Variants in NFIC observed in about 807,000 individuals in gnomAD.
NFIC encodes the protein nuclear factor I C.
NFIC carries 12 observed loss-of-function variants against 54.4 expected under a neutral mutation model. That is an observed-to-expected ratio of 0.22 (90% confidence interval 0.14 to 0.36). NFIC has a LOEUF of 0.36. Among genes scored for constraint, NFIC ranks in the 10% least tolerant of loss-of-function variants. The probability of loss-of-function intolerance (pLI) is 1.00; values close to 1 mark genes in which losing one functional copy is unlikely to be tolerated. For synonymous variants in NFIC, 322 were observed against 319.2 expected (o/e 1.01, Z -0.09); for missense variants, 575 against 718.2 (o/e 0.80, Z 2.28).
chr19:3,379,206 T>C (rs2081157091), intron 1 of NFIC, among the ~76,000 whole-genome samples: 2 of 151,904 alleles, frequency 1.3e-5, no homozygotes, highest in South Asian at 2.1e-4. Context: ...ATTACAGTCA[T>C]GCGCCACCAC....
chr19:3,461,759 A>T (rs1021978570), intron 10 of NFIC, among the ~76,000 whole-genome samples: 1 of 151,756 alleles, frequency 6.6e-6, no homozygotes, highest in East Asian at 1.9e-4. Context: ...AATAATTTTT[A>T]AAATATAAAA....
At chr19:3,383,547 C>T (rs1031734216) in intron 2 of NFIC, among the ~76,000 whole-genome samples, 1 of 152,194 alleles carries the variant, frequency 6.6e-6, no homozygotes, top group Non-Finnish European at 1.5e-5. Context: ...CAGTCTGTAG[C>T]TGGATGGGGC....
chr19:3,446,995 T>C (rs1178394450), intron 6 of NFIC, among the ~76,000 whole-genome samples: 1 of 152,046 alleles, frequency 6.6e-6, no homozygotes, highest in Non-Finnish European at 1.5e-5. Context: ...CTCTGCACTC[T>C]AGCCTGGGTG....
rs374469121 is a variant in NFIC at position 3,467,212 on chromosome 19, G to GCCCCCCCCCCCCCCCCC, written c.*4454_*4455insCCCCCCCCCCCCCCCCC. On this transcript the variant is annotated 3_prime_UTR_variant, in exon 11 of 11. Transcript: ENST00000443272. ...GCTATGGACACCACACCTATGCCAG[G>GCCCCCCCCCCCCCCCCC]CCCCCCCCCCCACCCCAGTCTCATT... The GCCCCCCCCCCCCCCCCC allele has an allele frequency of 1.1e-5, 1 of 88,222 alleles. No homozygotes were observed. Among genetic ancestry groups the GCCCCCCCCCCCCCCCCC allele is most frequent in the Admixed American group, 1.3e-4 (1 of 7,576 alleles). The allele number at this position is 88,222 out of a possible 1,614,324, so 5.5% of individuals were successfully genotyped here. A position where few individuals can be genotyped will look rare whatever the true frequency, so the allele number is the denominator to read the frequency against.
At chr19:3,412,865 G>A (rs754190165) in intron 2 of NFIC, among the ~76,000 whole-genome samples, 3 of 152,198 alleles carry the variant, frequency 2.0e-5, no homozygotes, top group Non-Finnish European at 4.4e-5. Flanking sequence ...CTGGCTGAGC[G>A]GGAGGGGCCG....
rs920581052 is a variant in NFIC, at chr19:3,453,014, T to C, written c.1269+348T>C. Among the ~76,000 whole-genome samples the C allele has an allele frequency of 1.3e-5, 2 of 152,034 alleles. No individual in the cohort carries two copies. The highest frequency in any genetic ancestry group is 2.4e-5 in the African/African-American group (1 of 41,402). ...GCTTTCGGAGGCCAAGGCGGGAGGA[T>C]TGCATAAGCCCAGAGTTCAAGACCA... is the stretch of plus-strand genomic sequence containing the variant. On this transcript the variant is annotated intron_variant, in intron 8 of 10. Coordinates refer to ENST00000443272, the MANE Select transcript of NFIC (RefSeq NM_001245002.2). This position sits in a 1 kb window ranked among gnomAD's most constrained non-coding sequence, Gnocchi z 6.7.
upstream of NFIC, among the ~76,000 whole-genome samples, chr19:3,363,236 T>TGTGTGTGCGCGC (rs1314178191): frequency 1.6e-5 from 1 of 63,852 alleles, no homozygotes; most frequent in African/African-American, 8.6e-5. Context: ...TATGTGTATG[T>TGTGTGTGCGCGC]GTGTGTATAT....
intron 2 of NFIC, among the ~76,000 whole-genome samples, chr19:3,409,696 T>C (rs1256400584): frequency 6.6e-6 from 1 of 152,190 alleles, no homozygotes; most frequent in Non-Finnish European, 1.5e-5. Context: ...GCCTTTGTCA[T>C]GAGCTAGGAT....
intron 5 of NFIC, 56 bp from the exon 6 acceptor site, chr19:3,435,027 G>A (rs2082177055): frequency 3.3e-5 from 49 of 1,494,886 alleles, no homozygotes; most frequent in Middle Eastern, 1.8e-4. Flanking sequence ...CCGCCGTCGC[G>A]CCCCCCGCCC....
chr19:3,394,797 T>C (rs1246075428), intron 2 of NFIC, among the ~76,000 whole-genome samples: 1 of 151,936 alleles, frequency 6.6e-6, no homozygotes, highest in Non-Finnish European at 1.5e-5. Flanking sequence ...CCTACGAGCA[T>C]GAACCCCATG....
intron 2 of NFIC, among the ~76,000 whole-genome samples, chr19:3,406,352 C>T (rs2081648411): frequency 1.6e-5 from 2 of 126,160 alleles, no homozygotes; most frequent in South Asian, 5.1e-4. Context: ...CCTTGGCCTC[C>T]CATAGTGCTG....
intron 2 of NFIC, among the ~76,000 whole-genome samples, chr19:3,405,590 A>AATTT (rs879548915): frequency 1.8e-4 from 27 of 151,316 alleles, no homozygotes; most frequent in Non-Finnish European, 2.4e-4. Flanking sequence ...TATTTAATTT[A>AATTT]ATTTATTTAT....
chr19:3,362,894 T>C (rs1463440295), upstream of NFIC, among the ~76,000 whole-genome samples: 2 of 152,194 alleles, frequency 1.3e-5, no homozygotes, highest in East Asian at 1.9e-4. Context: ...GGCTGTGGGG[T>C]TACCATGGGG....
At chr19:3,367,568 T>G (rs1568395946) in intron 1 of NFIC, among the ~76,000 whole-genome samples, 1 of 150,900 alleles carries the variant, frequency 6.6e-6, no homozygotes, top group Non-Finnish European at 1.5e-5. Context: ...GCCGAGGGGG[T>G]GTGTGGGGAG....
At chr19:3,383,550 G>A (rs796525363) in intron 2 of NFIC, among the ~76,000 whole-genome samples, 35 of 152,312 alleles carry the variant, frequency 2.3e-4, no homozygotes, top group African/African-American at 8.4e-4. Context: ...TCTGTAGCTG[G>A]ATGGGGCTAT....
intron 6 of NFIC, among the ~76,000 whole-genome samples, chr19:3,440,431 C>CT (rs774059880): frequency 0.025 from 3,590 of 143,378 alleles, 140 homozygotes; most frequent in African/African-American, 0.084. Flanking sequence ...CTGGGCCACT[C>CT]TTTTTTTTTT....
Position 3,399,828 on chromosome 19 carries a change from G to A in NFIC, c.562+17585G>A, listed in dbSNP as rs145184309. 2.3e-3 allele frequency among the ~76,000 whole-genome samples: 351 copies of A among 152,228 alleles called. 2 individuals carry two copies. The highest frequency in any genetic ancestry group is 8.0e-3 in the African/African-American group (333 of 41,536). The stretch of plus-strand genomic sequence containing the variant: ...GGAGATTGTAGTGAGCCGAGATCGT[G>A]CCACTGCACTCTAGCCTGGGTGACA... On this transcript the variant is annotated intron_variant, in intron 2 of 10. Coordinates refer to ENST00000443272, the MANE Select transcript of NFIC (RefSeq NM_001245002.2).
chr19:3,450,355 A>AG (rs2082441652), intron 7 of NFIC, among the ~76,000 whole-genome samples: 2 of 99,570 alleles, frequency 2.0e-5, no homozygotes. Context: ...AAAAAAAAAA[A>AG]AAGAGACATC....
upstream of NFIC, among the ~76,000 whole-genome samples, chr19:3,365,352 A>G (rs2080866600): frequency 6.6e-6 from 1 of 152,208 alleles, no homozygotes; most frequent in Non-Finnish European, 1.5e-5. Context: ...TGCTAAGGTC[A>G]TTGTCCTTAT....
Sources: gnomAD v4.1 joint callset for allele counts (sites outside exome capture counted in the v4.1 genomes callset) on GRCh38, gnomAD v4.1.1 for gene constraint, Gnocchi (gnomAD v3.1) non-coding constraint, MANE v1.5 for transcripts, NCBI Gene and HGNC (gene_info 2026-07-23, HGNC 2026-07-21) for gene names.